F13A1: variants seen among roughly 807,000 people sequenced by gnomAD.
The protein encoded by F13A1 is FSF, A subunit.
F13A1 carries 47 observed loss-of-function variants against 80.1 expected under a neutral mutation model. The ratio of observed to expected loss-of-function variants is 0.59; its 90% CI spans 0.46 to 0.75. The LOEUF (loss-of-function observed/expected upper bound fraction) is 0.75, where lower values mean the gene tolerates loss of function less well. F13A1 is among the 30% of genes least tolerant of loss of function. F13A1 has a pLI of 0.00. For missense variants in F13A1, 817 were observed against 930.4 expected (o/e 0.88, Z 1.59); for synonymous variants, 349 against 344.9 (o/e 1.01, Z -0.13).
At chr6:6,211,325 A>T (rs1761604649) in intron 8 of F13A1, among the ~76,000 whole-genome samples, 1 of 152,208 alleles carries the variant, frequency 6.6e-6, no homozygotes, top group African/African-American at 2.4e-5. Context: ...CAGTCCTCTA[A>T]TGCTAAGGCT....
At chr6:6,310,342 A>T (rs1389049971) in intron 2 of F13A1, among the ~76,000 whole-genome samples, 1 of 152,136 alleles carries the variant, frequency 6.6e-6, no homozygotes, top group Non-Finnish European at 1.5e-5. Flanking sequence ...GGAGATCTGC[A>T]TTTTTCAGAA....
rs1758121340 is a variant in F13A1, at chr6:6,285,262, A to G, written c.320-18453T>C. 2.0e-5 allele frequency among the ~76,000 whole-genome samples: 3 copies of G among 152,206 alleles called. No individual in the cohort carries two copies. The South Asian group carries it at 6.2e-4, about 32-fold the overall frequency. On this transcript the variant is annotated intron_variant, in intron 3 of 14. Transcript: ENST00000264870. Reference sequence around the variant, plus strand: ...AGACTCCAACTCAAAAAGAAAAAAGACAGAGATGGGGTCTTTCATTCCTCT... The same window carrying G: ...AGACTCCAACTCAAAAAGAAAAAAGGCAGAGATGGGGTCTTTCATTCCTCT...
chr6:6,209,323 TAAA>T, intron 8 of F13A1, among the ~76,000 whole-genome samples: 1 of 131,804 alleles, frequency 7.6e-6, no homozygotes, highest in African/African-American at 2.7e-5. Context: ...CAATAATAAT[TAAA>T]AAAAAAAAAA....
At chr6:6,148,741 T>C (rs938322173) in intron 14 of F13A1, among the ~76,000 whole-genome samples, 4 of 152,182 alleles carry the variant, frequency 2.6e-5, no homozygotes, top group Non-Finnish European at 4.4e-5. Context: ...TAAGCCCATC[T>C]TAGATAACAA....
intron 8 of F13A1, among the ~76,000 whole-genome samples, chr6:6,218,070 A>G (rs1279438009): frequency 6.6e-6 from 1 of 152,184 alleles, no homozygotes; most frequent in East Asian, 1.9e-4. Flanking sequence ...AGCTGAGAGG[A>G]GGACACCAAC....
rs767513757 is a variant in F13A1 at position 6,178,238 on chromosome 6, G to T, written c.1460-3371C>A. Among the ~76,000 whole-genome samples the T allele has an allele frequency of 3.5e-4, 54 of 152,266 alleles. 1 individual carries two copies. The highest frequency in any genetic ancestry group is 3.4e-3 in the Middle Eastern group (1 of 294). On this transcript the variant is annotated intron_variant, in intron 11 of 14. Transcript: ENST00000264870. ...AGCCCAAACTAATAGCAGTAGTATG[G>T]CAGGAATAACAGAATTACTAGTAAT...
At chr6:6,151,429 A>G (rs180970878) in intron 14 of F13A1, among the ~76,000 whole-genome samples, 21 of 152,328 alleles carry the variant, frequency 1.4e-4, no homozygotes, top group African/African-American at 4.8e-4. Flanking sequence ...AAGAGACCAT[A>G]CGTGAGTAGG....
At chr6:6,226,948 G>A (rs555864221) in intron 6 of F13A1, among the ~76,000 whole-genome samples, 2 of 148,564 alleles carry the variant, frequency 1.3e-5, no homozygotes, top group East Asian at 4.1e-4. Context: ...CCTAATAGAG[G>A]GAGATGACAG....
chr6:6,185,666 A>G (rs1375958293), intron 10 of F13A1, among the ~76,000 whole-genome samples: 25 of 151,790 alleles, frequency 1.6e-4, no homozygotes, highest in Non-Finnish European at 3.1e-4. Flanking sequence ...ATTGTGAATA[A>G]TGCCGCAATA....
At chr6:6,205,716 A>T (rs1473751407) in intron 8 of F13A1, among the ~76,000 whole-genome samples, 1 of 148,504 alleles carries the variant, frequency 6.7e-6, no homozygotes, top group African/African-American at 2.5e-5. Flanking sequence ...GTGTTTTATT[A>T]TTTTTTTTTT....
chr6:6,174,536 C>A, intron 12 of F13A1, 44 bp downstream of exon 12: 1 of 1,605,518 alleles, frequency 6.2e-7, no homozygotes, highest in Non-Finnish European at 8.5e-7. Context: ...AAGACAGGGG[C>A]CAGACAGCGA....
chr6:6,261,390 G>A (rs991918324), intron 4 of F13A1, among the ~76,000 whole-genome samples: 1 of 152,184 alleles, frequency 6.6e-6, no homozygotes, highest in African/African-American at 2.4e-5. Flanking sequence ...AAGTAGCTGG[G>A]ACCGCAGGCT....
chr6:6,185,015 C>G (rs1036119797), intron 10 of F13A1, among the ~76,000 whole-genome samples: 1 of 152,048 alleles, frequency 6.6e-6, no homozygotes, highest in Non-Finnish European at 1.5e-5. Flanking sequence ...GAATGATTGG[C>G]CCCACCCAAA....
intron 6 of F13A1, among the ~76,000 whole-genome samples, chr6:6,235,096 C>T (rs980052667): frequency 5.3e-5 from 8 of 151,808 alleles, no homozygotes; most frequent in African/African-American, 9.7e-5. Context: ...TGCAAAAATA[C>T]GAGCTTTGAT....
chr6:6,231,066 C>A (rs534878308), intron 6 of F13A1, among the ~76,000 whole-genome samples: 113 of 152,056 alleles, frequency 7.4e-4, no homozygotes, highest in African/African-American at 2.6e-3. Context: ...TGGATCCAAA[C>A]AAAGAAGAAA....
At chr6:6,157,270 AT>A (rs1157065334) in intron 13 of F13A1, among the ~76,000 whole-genome samples, 2 of 152,170 alleles carry the variant, frequency 1.3e-5, no homozygotes, top group Non-Finnish European at 2.9e-5. Flanking sequence ...TATTAATCCC[AT>A]TCTGTTTACG....
intron 3 of F13A1, among the ~76,000 whole-genome samples, chr6:6,274,080 G>C (rs774282255): frequency 6.6e-6 from 1 of 152,196 alleles, no homozygotes. Context: ...CTAAAGAAAA[G>C]AGACCTTCCT....
Position 6,250,951 on chromosome 6 carries a change from G to A in F13A1, c.572-22C>T, listed in dbSNP as rs749700069. The A allele has an allele frequency of 6.7e-7, 1 of 1,491,874 alleles. No individual in the cohort carries two copies. Among genetic ancestry groups the A allele is most frequent in the Admixed American group, 1.7e-5 (1 of 59,860 alleles). 92.4% of individuals were successfully genotyped at this position (1,491,874 alleles called of 1,614,324 possible). A position where few individuals can be genotyped will look rare whatever the true frequency, so the allele number is the denominator to read the frequency against. On this transcript the variant is annotated intron_variant, in intron 4 of 14. Transcript: ENST00000264870. This position sits in a 1 kb window ranked among gnomAD's most constrained non-coding sequence, Gnocchi z 4.2. ...TCATCTGCATCAGGGTTTAAACATA[G>A]TGACTATTACCAAACCAGACTGTTT...
At chr6:6,189,972 T>C (rs1165610473) in intron 10 of F13A1, among the ~76,000 whole-genome samples, 1 of 152,056 alleles carries the variant, frequency 6.6e-6, no homozygotes, top group Non-Finnish European at 1.5e-5. Flanking sequence ...ATTTCTTTCA[T>C]TTCATTTTCC....
Sources: gnomAD v4.1 joint callset for allele counts (sites outside exome capture counted in the v4.1 genomes callset) on GRCh38, gnomAD v4.1.1 for gene constraint, Gnocchi (gnomAD v3.1) non-coding constraint, MANE v1.5 for transcripts, NCBI Gene and HGNC (gene_info 2026-07-23, HGNC 2026-07-21) for gene names.